Variants in MAB21L3 observed in about 807,000 individuals in gnomAD.
MAB21L3 encodes the protein protein mab-21-like 3.
MAB21L3 carries 36 observed loss-of-function variants against 37.7 expected under a neutral mutation model. The observed-to-expected ratio is 0.96, with a 90% CI of 0.73 to 1.26. The LOEUF is 1.26. MAB21L3 is among the 50% of genes most tolerant of loss of function. The probability of loss-of-function intolerance (pLI) is 0.00; values close to 1 mark genes in which losing one functional copy is unlikely to be tolerated. For missense variants in MAB21L3, 430 were observed against 447.3 expected (o/e 0.96, Z 0.35); for synonymous variants, 186 against 176.8 (o/e 1.05, Z -0.41).
At position 116,112,485 on chromosome 1, in the gene MAB21L3, A is replaced by C. The variant is rs1480331376; in HGVS notation, c.-131A>C. The C allele has an allele frequency of 1.5e-5, 11 of 731,034 alleles. No individual in the cohort carries two copies. The highest frequency in any genetic ancestry group is 2.5e-5 in the Non-Finnish European group (11 of 432,138). 45.3% of individuals were successfully genotyped at this position (731,034 alleles called of 1,614,324 possible). The stretch of plus-strand genomic sequence containing the variant: ...AAGGCAAGTCTCTGGTCCATTACAC[A>C]CTTCCAGAAAAACTTAGTACCCAGA... On this transcript the variant is annotated 5_prime_UTR_variant, in exon 3 of 8. Transcript: ENST00000369500.
At chr1:116,127,831 C>A (rs541206950) in intron 6 of MAB21L3, among the ~76,000 whole-genome samples, 187 bp downstream of exon 6, 9 of 152,316 alleles carry the variant, frequency 5.9e-5, no homozygotes, top group African/African-American at 1.9e-4. Flanking sequence ...CCCGAGCCCC[C>A]ACTCTGGACC....
chr1:116,134,938 C>T lies in MAB21L3; in HGVS notation c.*1573C>T, dbSNP rs1237679696. The T allele has an allele frequency of 9.9e-5, 15 of 152,208 alleles. No individual in the cohort carries two copies. The highest frequency in any genetic ancestry group is 2.2e-4 in the Non-Finnish European group (15 of 68,016). 9.4% of individuals were successfully genotyped at this position (152,208 alleles called of 1,614,324 possible). ...AAATGTCTATACCAAAGATAAATTTCTAAAGCATGAACTACTGATTTTGTT... is the reference window on the plus strand; with the variant it reads ...AAATGTCTATACCAAAGATAAATTTTTAAAGCATGAACTACTGATTTTGTT... On this transcript the variant is annotated 3_prime_UTR_variant, in exon 8 of 8. Transcript: ENST00000369500.
chr1:116,120,519 C>T (rs1312451158), intron 3 of MAB21L3, among the ~76,000 whole-genome samples: 1 of 150,512 alleles, frequency 6.6e-6, no homozygotes, highest in South Asian at 2.1e-4. Flanking sequence ...TCAGATATGA[C>T]ACTATATATT....
intron 4 of MAB21L3, among the ~76,000 whole-genome samples, chr1:116,121,512 A>G (rs961583309): frequency 3.9e-5 from 6 of 152,208 alleles, no homozygotes; most frequent in African/African-American, 1.2e-4. Flanking sequence ...TCCAAAGCAC[A>G]TTCCGCTGTC....
At chr1:116,117,158 C>CATATATATAT (rs773287860) in intron 3 of MAB21L3, among the ~76,000 whole-genome samples, 1,084 of 85,914 alleles carry the variant, frequency 0.013, 36 homozygotes, top group African/African-American at 0.023. Context: ...TCAAAATATA[C>CATATATATAT]ATACATATAT....
chr1:116,123,907 A>C, intron 4 of MAB21L3, 159 bp from the exon 5 acceptor site: 1 of 648,408 alleles, frequency 1.5e-6, no homozygotes, highest in Non-Finnish European at 2.7e-6. Context: ...GAGGTAATCC[A>C]CTTGTAACAC....
At position 116,134,041 on chromosome 1, in the gene MAB21L3, T is replaced by G. The variant is rs1302295823; in HGVS notation, c.*676T>G. The G allele has an allele frequency of 6.5e-6, 1 of 153,274 alleles. No homozygotes were observed. The highest frequency in any genetic ancestry group is 1.5e-5 in the Non-Finnish European group (1 of 68,894). 9.5% of individuals were successfully genotyped at this position (153,274 alleles called of 1,614,324 possible). A position where few individuals can be genotyped will look rare whatever the true frequency, so the allele number is the denominator to read the frequency against. On this transcript the variant is annotated 3_prime_UTR_variant, in exon 8 of 8. Coordinates refer to ENST00000369500, the MANE Select transcript of MAB21L3 (RefSeq NM_152367.3). ...GGTCAGTGGCTCCTGATGTTCTGTCTGCTTCGCTGGTATTCTCTAAGCAGG... is the reference window on the plus strand; with the variant it reads ...GGTCAGTGGCTCCTGATGTTCTGTCGGCTTCGCTGGTATTCTCTAAGCAGG...
intron 6 of MAB21L3, among the ~76,000 whole-genome samples, chr1:116,127,900 G>A (rs1659955051): frequency 6.6e-6 from 1 of 152,190 alleles, no homozygotes; most frequent in Non-Finnish European, 1.5e-5. Context: ...AGCCCTCTGG[G>A]TGATGTGATT....
intron 3 of MAB21L3, 110 bp downstream of exon 3, chr1:116,112,773 C>A: frequency 9.0e-7 from 1 of 1,110,900 alleles, no homozygotes; most frequent in Non-Finnish European, 1.3e-6. Context: ...ACATAAAATG[C>A]TCCTCAGAAA....
At position 116,136,473 on chromosome 1, in the gene MAB21L3, G is replaced by C. The variant is rs1430971658; in HGVS notation, c.*3108G>C. 6.6e-6 allele frequency among the ~76,000 whole-genome samples: 1 copy of C among 152,056 alleles called. No individual in the cohort carries two copies. Among genetic ancestry groups the C allele is most frequent in the African/African-American group, 2.4e-5 (1 of 41,402 alleles). On this transcript the variant is annotated 3_prime_UTR_variant, in exon 8 of 8. Coordinates refer to ENST00000369500, the MANE Select transcript of MAB21L3 (RefSeq NM_152367.3). Reference sequence around the variant, plus strand: ...CAAACCACTGCTCAATGAAATAAAAGAGGATACAAACAAATGGAAGAACAT... The same window carrying C: ...CAAACCACTGCTCAATGAAATAAAACAGGATACAAACAAATGGAAGAACAT...
intron 3 of MAB21L3, among the ~76,000 whole-genome samples, chr1:116,115,022 A>C (rs148438249): frequency 1.3e-5 from 2 of 152,312 alleles, no homozygotes; most frequent in East Asian, 3.9e-4. Flanking sequence ...GGCAGTGGTT[A>C]CAAATATGGG....
intron 3 of MAB21L3, among the ~76,000 whole-genome samples, chr1:116,119,405 G>A (rs1161115532): frequency 9.2e-6 from 1 of 108,472 alleles, no homozygotes; most frequent in South Asian, 2.8e-4. Context: ...TGAGAAGTAT[G>A]AGTGAGGTCT....
At position 116,133,472 on chromosome 1, in the gene MAB21L3, C is replaced by G; in HGVS notation, c.*107C>G. On this transcript the variant is annotated 3_prime_UTR_variant, in exon 8 of 8. Coordinates refer to ENST00000369500, the MANE Select transcript of MAB21L3 (RefSeq NM_152367.3). ...AGGATCCTGCCTAGGAGAAAGGCCA[C>G]GAATGGCAGCGGAAATTACATCAAA... 2 of 924,566 alleles carry G rather than the reference C, an allele frequency of 2.2e-6. No homozygotes were observed. The highest frequency in any genetic ancestry group is 3.3e-6 in the Non-Finnish European group (2 of 604,330). 57.3% of individuals were successfully genotyped at this position (924,566 alleles called of 1,614,324 possible).
intron 3 of MAB21L3, among the ~76,000 whole-genome samples, chr1:116,114,607 C>T (rs959057004): frequency 1.3e-5 from 2 of 152,166 alleles, no homozygotes; most frequent in African/African-American, 2.4e-5. Flanking sequence ...TACTGTGCTA[C>T]GGTTTGAGGG....
chr1:116,132,925 G>T (rs1660112659), intron 7 of MAB21L3, among the ~76,000 whole-genome samples: 1 of 152,160 alleles, frequency 6.6e-6, no homozygotes, highest in Middle Eastern at 3.4e-3. Flanking sequence ...GGAGAGTGAG[G>T]GAATAGATTA....
Position 116,133,559 on chromosome 1 carries a change from A to T in MAB21L3, c.*194A>T. ...GGATGTCTGGCCCAGGCCTCCCTGGAGCCCAGCAAGCATTTCTGCCCTAGC... is the reference window on the plus strand; with the variant it reads ...GGATGTCTGGCCCAGGCCTCCCTGGTGCCCAGCAAGCATTTCTGCCCTAGC... On this transcript the variant is annotated 3_prime_UTR_variant, in exon 8 of 8. Coordinates refer to ENST00000369500, the MANE Select transcript of MAB21L3 (RefSeq NM_152367.3). The T allele has an allele frequency of 1.6e-6, 1 of 608,330 alleles. No individual in the cohort carries two copies. The allele number at this position is 608,330 out of a possible 1,614,324, so 37.7% of individuals were successfully genotyped here. A position where few individuals can be genotyped will look rare whatever the true frequency, so the allele number is the denominator to read the frequency against.
chr1:116,130,439 G>A (rs1288920632), intron 7 of MAB21L3, among the ~76,000 whole-genome samples: 2 of 152,168 alleles, frequency 1.3e-5, no homozygotes, highest in Admixed American at 6.5e-5. Flanking sequence ...CTTTTTCTCT[G>A]GTCTTCCATC....
chr1:116,121,166 G>A, intron 4 of MAB21L3, 94 bp downstream of exon 4: 1 of 1,207,476 alleles, frequency 8.3e-7, no homozygotes, highest in African/African-American at 1.5e-5. Context: ...GCCTCACTCA[G>A]AATACTCATA....
chr1:116,137,478 G>A lies in MAB21L3; in HGVS notation c.*4113G>A, dbSNP rs1660219914. The stretch of plus-strand genomic sequence containing the variant: ...ATCATTAAAAAGTCAGGAAACAACA[G>A]GTGCTGGAGAGGATGTGGAGAAATA... On this transcript the variant is annotated 3_prime_UTR_variant, in exon 8 of 8. Transcript: ENST00000369500. 6.9e-6 allele frequency among the ~76,000 whole-genome samples: 1 copy of A among 145,900 alleles called. No individual in the cohort carries two copies. The highest frequency in any genetic ancestry group is 2.7e-5 in the African/African-American group (1 of 37,166).
Sources: gnomAD v4.1 joint callset for allele counts (sites outside exome capture counted in the v4.1 genomes callset) on GRCh38, gnomAD v4.1.1 for gene constraint, MANE v1.5 for transcripts, NCBI Gene and HGNC (gene_info 2026-07-23, HGNC 2026-07-21) for gene names.